Variants in DOCK9 observed in about 807,000 individuals in gnomAD.
The protein encoded by DOCK9 is dedicator of cytokinesis 9.
In DOCK9, 89 loss-of-function variants were observed where a neutral mutation model predicts 263.3. That is an observed-to-expected ratio of 0.34 (90% CI 0.28 to 0.40). The LOEUF is 0.40. DOCK9 is among the 10% of genes least tolerant of loss of function. The probability of loss-of-function intolerance (pLI) is 1.00; values close to 1 mark genes in which losing one functional copy is unlikely to be tolerated. For synonymous variants in DOCK9, 976 were observed against 973.1 expected (o/e 1.00, Z -0.06); for missense variants, 2,140 against 2,603.4 (o/e 0.82, Z 3.87).
At chr13:99,076,286 GATAA>G (rs1329247638) in intron 1 of DOCK9, among the ~76,000 whole-genome samples, 1 of 152,138 alleles carries the variant, frequency 6.6e-6, no homozygotes, top group Non-Finnish European at 1.5e-5. Flanking sequence ...CTTTCTTCCA[GATAA>G]ATGAGTTACT....
intron 2 of DOCK9, among the ~76,000 whole-genome samples, chr13:98,937,062 C>A (rs933303684): frequency 3.3e-5 from 5 of 152,180 alleles, no homozygotes; most frequent in Admixed American, 2.0e-4. Context: ...AAAGATAGGT[C>A]TATATCCACT....
chr13:98,970,718 A>G (rs1240422031), intron 1 of DOCK9, among the ~76,000 whole-genome samples: 1 of 152,242 alleles, frequency 6.6e-6, no homozygotes, highest in Admixed American at 6.5e-5. Context: ...TAGCACTAGT[A>G]TATCACATTA....
chr13:99,057,161 A>G (rs1371118062), intron 1 of DOCK9, among the ~76,000 whole-genome samples: 1 of 152,106 alleles, frequency 6.6e-6, no homozygotes, highest in African/African-American at 2.4e-5. Flanking sequence ...CCCACCCTTT[A>G]GTTCTTGGAG....
chr13:98,829,270 T>A lies in DOCK9; in HGVS notation c.4965+37A>T. On this transcript the variant is annotated intron_variant, in intron 43 of 52. Transcript: ENST00000682017. The surrounding 1 kb of genome is among the most constrained non-coding windows in gnomAD (Gnocchi z 4.1). ...AAGTGAATGGGGCCTCACTGGTTTT[T>A]TCAAAAACCCATTCAAGCGGCTGGC... The A allele has an allele frequency of 1.3e-6, 2 of 1,570,514 alleles. No homozygotes were observed. Among genetic ancestry groups the A allele is most frequent in the Non-Finnish European group, 1.7e-6 (2 of 1,155,112 alleles).
chr13:98,986,404 A>G lies in DOCK9; in HGVS notation c.130-30853T>C, dbSNP rs147892098. On this transcript the variant is annotated intron_variant, in intron 1 of 32. Transcript: ENST00000427887. ...GCCAACTCTAGACTCGTACTTCTGC[A>G]AAAAGGAACACACTCTCAGGTTACA... 1.3e-3 allele frequency among the ~76,000 whole-genome samples: 204 copies of G among 152,354 alleles called. 1 individual carries two copies. Among genetic ancestry groups the G allele is most frequent in the African/African-American group, 4.8e-3 (200 of 41,590 alleles).
At chr13:98,959,294 G>A (rs2058386205) in intron 1 of DOCK9, 1 of 152,216 alleles carries the variant, frequency 6.6e-6, no homozygotes, top group South Asian at 2.1e-4. Context: ...TGGTCATGCA[G>A]TACCATGACC....
At position 98,797,187 on chromosome 13, in the gene DOCK9, G is replaced by C. The variant is rs55665657; in HGVS notation, c.6084C>G (p.Leu2028=). ...TGGCTTTCATTTCTTCCTGATACTCGAGCTGGTCTTCTTTAATCAGACGTT... is the reference window on the plus strand; with the variant it reads ...TGGCTTTCATTTCTTCCTGATACTCCAGCTGGTCTTCTTTAATCAGACGTT... ...VNERLIKEDQ[L]EYQEEMKANY... Residue 2028 remains leucine (L), a synonymous_variant, in exon 52 of 53, where the codon CTC becomes CTG. Transcript: ENST00000682017. 1.4e-5 allele frequency: 23 copies of C among 1,613,722 alleles called. No homozygotes were observed. Among genetic ancestry groups the C allele is most frequent in the Non-Finnish European group, 1.9e-5 (22 of 1,179,880 alleles).
chr13:99,046,590 A>G (rs111864320), intron 1 of DOCK9, among the ~76,000 whole-genome samples: 314 of 152,326 alleles, frequency 2.1e-3, no homozygotes, highest in African/African-American at 7.0e-3. Flanking sequence ...ACCTGACAGG[A>G]AAGTCCAGGA....
intron 2 of DOCK9, among the ~76,000 whole-genome samples, chr13:98,945,123 C>T (rs1567049615): frequency 6.6e-6 from 1 of 152,198 alleles, no homozygotes; most frequent in Admixed American, 6.5e-5. Flanking sequence ...AAGCTTATAA[C>T]ATACATCTTC....
intron 27 of DOCK9, among the ~76,000 whole-genome samples, chr13:98,874,147 C>G (rs2094263295): frequency 6.6e-6 from 1 of 152,186 alleles, no homozygotes; most frequent in African/African-American, 2.4e-5. Flanking sequence ...TTGTCCCCAT[C>G]CCCACCTCCA....
intron 37 of DOCK9, among the ~76,000 whole-genome samples, chr13:98,848,370 T>C (rs1290477777): frequency 6.6e-6 from 1 of 152,102 alleles, no homozygotes; most frequent in Non-Finnish European, 1.5e-5. Flanking sequence ...AAAGGAATGC[T>C]TTCCAAGAGA....
At chr13:98,810,588 G>A (rs1320162328) in intron 45 of DOCK9, among the ~76,000 whole-genome samples, 1 of 152,042 alleles carries the variant, frequency 6.6e-6, no homozygotes, top group African/African-American at 2.4e-5. Flanking sequence ...ACCATCACAG[G>A]GGCTCTCAAT....
chr13:98,985,203 G>C (rs538494247), intron 1 of DOCK9, among the ~76,000 whole-genome samples: 15 of 152,230 alleles, frequency 9.9e-5, no homozygotes, highest in African/African-American at 2.9e-4. Flanking sequence ...GGGAGAGTCA[G>C]GCTGACGAAG....
chr13:98,979,223 T>TAGCAGCAGCAGCAGC (rs1222854720), upstream of DOCK9, among the ~76,000 whole-genome samples: 8 of 122,808 alleles, frequency 6.5e-5, no homozygotes, highest in African/African-American at 2.5e-4. Context: ...GTAGTAGTAG[T>TAGCAGCAGCAGCAGC]AGTAGTAGCA....
At chr13:98,999,174 T>TAGTCTTTCCAACTAATTAGTTG (rs1346474457) in intron 1 of DOCK9, among the ~76,000 whole-genome samples, 1 of 152,126 alleles carries the variant, frequency 6.6e-6, no homozygotes, top group Admixed American at 6.5e-5. Context: ...CTGAGTTCCT[T>TAGTCTTTCCAACTAATTAGTTG]GAATAGTCTT....
intron 1 of DOCK9, among the ~76,000 whole-genome samples, chr13:99,081,159 T>C (rs778828453): frequency 2.0e-5 from 3 of 152,206 alleles, no homozygotes; most frequent in Middle Eastern, 3.2e-3. Flanking sequence ...CCCTGGCCAG[T>C]TCAGTTATCA....
At chr13:98,836,336 T>C (rs764397150) in intron 39 of DOCK9, among the ~76,000 whole-genome samples, 5 of 152,200 alleles carry the variant, frequency 3.3e-5, no homozygotes, top group Non-Finnish European at 1.5e-5. Flanking sequence ...TTTTAAAACC[T>C]TCCTTGCCTA....
intron 20 of DOCK9, chr13:98,885,330 A>C: frequency 1.7e-6 from 1 of 580,080 alleles, no homozygotes; most frequent in Non-Finnish European, 2.9e-6. Flanking sequence ...CAGGCTGGGC[A>C]TGGTGGCTCA....
At chr13:98,879,861 C>T in intron 27 of DOCK9, 37 bp downstream of exon 27, 1 of 1,539,388 alleles carries the variant, frequency 6.5e-7, no homozygotes. Flanking sequence ...GATTTCTTTT[C>T]CCCTAAGAAC....
Sources: gnomAD v4.1 joint callset for allele counts (sites outside exome capture counted in the v4.1 genomes callset) on GRCh38, gnomAD v4.1.1 for gene constraint, Gnocchi (gnomAD v3.1) non-coding constraint, MANE v1.5 for transcripts, NCBI Gene and HGNC (gene_info 2026-07-23, HGNC 2026-07-21) for gene names.